The following EDARADD variants were observed in gnomAD, a reference collection of about 807,000 sequenced individuals.
The protein encoded by EDARADD is EDAR associated via death domain.
In EDARADD, 20 loss-of-function variants were observed where a neutral mutation model predicts 25.6. The ratio of observed to expected loss-of-function variants is 0.78; its 90% CI spans 0.55 to 1.14. EDARADD has a LOEUF of 1.14. EDARADD is among the 50% of genes most tolerant of loss of function. EDARADD has a pLI of 0.00. For synonymous variants in EDARADD, 86 were observed against 94.4 expected (o/e 0.91, Z 0.52); for missense variants, 225 against 270.1 (o/e 0.83, Z 1.17).
At chr1:236,425,709 T>C (rs1051637282) in intron 3 of EDARADD, among the ~76,000 whole-genome samples, 1 of 152,194 alleles carries the variant, frequency 6.6e-6, no homozygotes. Flanking sequence ...AGGCCCAAAC[T>C]GACAGCTCTG....
chr1:236,435,163 G>A (rs762506855), intron 4 of EDARADD, among the ~76,000 whole-genome samples: 21 of 152,134 alleles, frequency 1.4e-4, no homozygotes, highest in Non-Finnish European at 1.6e-4. Context: ...CGTCCTTATA[G>A]GAAAGCGGAG....
At chr1:236,474,958 C>A (rs1429348209) in intron 5 of EDARADD, among the ~76,000 whole-genome samples, 1 of 151,992 alleles carries the variant, frequency 6.6e-6, no homozygotes, top group East Asian at 1.9e-4. Context: ...CATGGTGAAA[C>A]CTCGTCTCTA....
chr1:236,436,350 A>T, intron 4 of EDARADD, among the ~76,000 whole-genome samples: 1 of 151,928 alleles, frequency 6.6e-6, no homozygotes, highest in African/African-American at 2.4e-5. Context: ...AGAGACCACC[A>T]TAGGTCTCAC....
chr1:236,367,084 CAAAAAAAA>C, intron 3 of EDARADD, among the ~76,000 whole-genome samples: 1 of 61,934 alleles, frequency 1.6e-5, no homozygotes, highest in South Asian at 5.6e-4. Flanking sequence ...ACTCCATCGC[CAAAAAAAA>C]AAAAAAAAAA....
chr1:236,383,540 G>C (rs78212375), intron 3 of EDARADD, among the ~76,000 whole-genome samples: 6,024 of 152,140 alleles, frequency 0.04, 146 homozygotes, highest in African/African-American at 0.066. Flanking sequence ...TGGGTTTTTT[G>C]TTGTATTGTT....
chr1:236,447,344 T>C (rs928710296), intron 4 of EDARADD, among the ~76,000 whole-genome samples: 3 of 151,396 alleles, frequency 2.0e-5, no homozygotes, highest in Non-Finnish European at 4.4e-5. Context: ...TGCAACCTCC[T>C]CCTCCAGGTT....
intron 5 of EDARADD, among the ~76,000 whole-genome samples, chr1:236,469,602 G>A (rs1438927137): frequency 6.6e-6 from 1 of 152,104 alleles, no homozygotes; most frequent in Non-Finnish European, 1.5e-5. Flanking sequence ...TCTTAAGCAG[G>A]GTGGGGAACC....
chr1:236,400,973 G>A (rs930274049), intron 1 of EDARADD, among the ~76,000 whole-genome samples: 9 of 152,056 alleles, frequency 5.9e-5, no homozygotes, highest in African/African-American at 2.2e-4. Context: ...GAGGGAGGTG[G>A]ATCACCTGAG....
At chr1:236,377,584 G>T (rs1242945005) in intron 3 of EDARADD, among the ~76,000 whole-genome samples, 2 of 150,548 alleles carry the variant, frequency 1.3e-5, no homozygotes, top group East Asian at 4.0e-4. Context: ...TTTTGGCTGA[G>T]CGTGGTGGCT....
chr1:236,453,099 C>T (rs952163059), intron 4 of EDARADD, among the ~76,000 whole-genome samples: 2 of 152,130 alleles, frequency 1.3e-5, no homozygotes, highest in Non-Finnish European at 2.9e-5. Flanking sequence ...CGTTCTTCCA[C>T]TAAGCAACCC....
intron 3 of EDARADD, among the ~76,000 whole-genome samples, chr1:236,418,154 C>G (rs1396002778): frequency 6.6e-6 from 1 of 151,656 alleles, no homozygotes; most frequent in Non-Finnish European, 1.5e-5. Flanking sequence ...GGGGTTTCAC[C>G]GTGTTAGCCA....
At chr1:236,423,656 T>C (rs1349993368) in intron 3 of EDARADD, among the ~76,000 whole-genome samples, 1 of 152,208 alleles carries the variant, frequency 6.6e-6, no homozygotes, top group Non-Finnish European at 1.5e-5. Context: ...CAAACTTTGA[T>C]TGAGAGACTA....
intron 3 of EDARADD, among the ~76,000 whole-genome samples, chr1:236,377,197 C>T (rs1250833990): frequency 6.7e-6 from 1 of 150,300 alleles, no homozygotes; most frequent in Non-Finnish European, 1.5e-5. Flanking sequence ...GCTCTGTCAC[C>T]CAGGCTGGAG....
intron 3 of EDARADD, among the ~76,000 whole-genome samples, chr1:236,388,354 C>CT (rs1572121187): frequency 6.6e-6 from 1 of 151,990 alleles, no homozygotes; most frequent in African/African-American, 2.4e-5. Flanking sequence ...CCTTGTTATT[C>CT]TTTCTCAAAG....
At chr1:236,470,883 C>T (rs1197128820) in intron 5 of EDARADD, among the ~76,000 whole-genome samples, 1 of 152,214 alleles carries the variant, frequency 6.6e-6, no homozygotes, top group African/African-American at 2.4e-5. Flanking sequence ...GCTGGGACTA[C>T]AGATGCACAC....
intron 3 of EDARADD, among the ~76,000 whole-genome samples, chr1:236,359,367 AG>A (rs1196353330): frequency 6.6e-6 from 1 of 152,226 alleles, no homozygotes. Context: ...CCATTATAAA[AG>A]GGCTTGACTG....
chr1:236,414,576 T>A (rs898520329), intron 3 of EDARADD, among the ~76,000 whole-genome samples: 1 of 152,180 alleles, frequency 6.6e-6, no homozygotes, highest in African/African-American at 2.4e-5. Flanking sequence ...TTAACAGGCA[T>A]AAAATGAAGA....
chr1:236,366,126 T>C (rs774830331), intron 3 of EDARADD, among the ~76,000 whole-genome samples: 2 of 152,240 alleles, frequency 1.3e-5, no homozygotes, highest in Non-Finnish European at 2.9e-5. Context: ...TTATGGGTCA[T>C]ATTTTTCTGC....
chr1:236,467,236 T>C (rs1460313402), intron 4 of EDARADD, among the ~76,000 whole-genome samples: 1 of 145,576 alleles, frequency 6.9e-6, no homozygotes, highest in Non-Finnish European at 1.5e-5. Flanking sequence ...ATTGGCACCG[T>C]GCCTGAGGTT....
Sources: allele counts gnomAD v4.1 joint callset (sites outside exome capture counted in the v4.1 genomes callset), GRCh38; gene constraint gnomAD v4.1.1; transcripts MANE v1.5; gene names NCBI Gene and HGNC (gene_info 2026-07-23, HGNC 2026-07-21).